Variants in GRID2 observed in about 807,000 individuals in gnomAD.
The protein encoded by GRID2 is glutamate ionotropic receptor delta type subunit 2.
A neutral mutation model predicts 114.8 loss-of-function variants in GRID2; 33 were observed. The observed-to-expected ratio is 0.29, with a 90% CI of 0.22 to 0.38. The LOEUF is 0.38. GRID2 is among the 10% of genes least tolerant of loss of function. GRID2 has a pLI of 1.00. For synonymous variants in GRID2, 505 were observed against 449.9 expected (o/e 1.12, Z -1.55); for missense variants, 1,184 against 1,257.7 (o/e 0.94, Z 0.89).
At chr4:93,083,202 C>T (rs1200138659) in intron 2 of GRID2, among the ~76,000 whole-genome samples, 1 of 152,048 alleles carries the variant, frequency 6.6e-6, no homozygotes, top group Non-Finnish European at 1.5e-5. Context: ...TGACTTACTA[C>T]TTACTATTTG....
At chr4:92,950,324 G>T (rs888579716) in intron 2 of GRID2, among the ~76,000 whole-genome samples, 1 of 152,142 alleles carries the variant, frequency 6.6e-6, no homozygotes, top group Non-Finnish European at 1.5e-5. Flanking sequence ...GTAAATCTTG[G>T]ACATAAACAA....
chr4:93,015,476 A>G (rs766048338), intron 2 of GRID2, among the ~76,000 whole-genome samples: 7 of 152,174 alleles, frequency 4.6e-5, no homozygotes, highest in Non-Finnish European at 7.4e-5. Flanking sequence ...TAATGCAAAT[A>G]AAAATAGCAG....
At chr4:92,803,942 T>C (rs1014892182) in intron 2 of GRID2, among the ~76,000 whole-genome samples, 6 of 151,962 alleles carry the variant, frequency 3.9e-5, no homozygotes, top group Non-Finnish European at 7.4e-5. Flanking sequence ...TTCTGTGCCA[T>C]CTACCTTCTG....
At chr4:93,389,190 G>A (rs1764612914) in intron 8 of GRID2, among the ~76,000 whole-genome samples, 1 of 152,142 alleles carries the variant, frequency 6.6e-6, no homozygotes, top group African/African-American at 2.4e-5. Flanking sequence ...AGGAAAGACA[G>A]TGAGAATTTA....
intron 1 of GRID2, among the ~76,000 whole-genome samples, chr4:92,524,019 C>T (rs1442959073): frequency 6.6e-6 from 1 of 152,018 alleles, no homozygotes; most frequent in East Asian, 1.9e-4. Context: ...TTACTGTTAA[C>T]AGCATAGATG....
At chr4:92,663,318 A>G (rs1006997189) in intron 2 of GRID2, among the ~76,000 whole-genome samples, 3 of 151,226 alleles carry the variant, frequency 2.0e-5, no homozygotes, top group Non-Finnish European at 4.4e-5. Flanking sequence ...ATGGGCTTCA[A>G]AGTTCACTTG....
chr4:93,632,937 C>T (rs1451676499), intron 14 of GRID2, among the ~76,000 whole-genome samples: 1 of 152,088 alleles, frequency 6.6e-6, no homozygotes, highest in African/African-American at 2.4e-5. Context: ...CTTCACATCC[C>T]TTGTAAGTTG....
At chr4:93,141,173 G>A (rs1336441843) in intron 4 of GRID2, among the ~76,000 whole-genome samples, 1 of 151,882 alleles carries the variant, frequency 6.6e-6, no homozygotes, top group Non-Finnish European at 1.5e-5. Context: ...TTTATTTTGT[G>A]TTATTATTTC....
At chr4:93,329,356 G>T (rs1362609198) in intron 8 of GRID2, among the ~76,000 whole-genome samples, 1 of 152,088 alleles carries the variant, frequency 6.6e-6, no homozygotes, top group Non-Finnish European at 1.5e-5. Context: ...GTATTTAAAT[G>T]CTCCCTTCAT....
intron 1 of GRID2, among the ~76,000 whole-genome samples, chr4:92,474,076 A>G (rs557814338): frequency 6.6e-6 from 1 of 151,892 alleles, no homozygotes; most frequent in Admixed American, 6.6e-5. Context: ...AAAATACATT[A>G]TAATTAACTG....
intron 4 of GRID2, among the ~76,000 whole-genome samples, chr4:93,204,940 A>G (rs1164205973): frequency 1.3e-5 from 2 of 152,126 alleles, no homozygotes; most frequent in African/African-American, 2.4e-5. Flanking sequence ...CATGCTGCCT[A>G]TCTATTGGTA....
chr4:92,718,498 G>T (rs1411458981), intron 2 of GRID2, among the ~76,000 whole-genome samples: 1 of 152,018 alleles, frequency 6.6e-6, no homozygotes, highest in Non-Finnish European at 1.5e-5. Context: ...CAGGAATGGT[G>T]GCTAATGCCT....
chr4:92,646,942 T>G (rs1731669949), intron 2 of GRID2, among the ~76,000 whole-genome samples: 1 of 152,098 alleles, frequency 6.6e-6, no homozygotes, highest in African/African-American at 2.4e-5. Context: ...CTATATCAGG[T>G]GTTGTACTTG....
intron 8 of GRID2, among the ~76,000 whole-genome samples, chr4:93,325,297 G>A (rs1487973334): frequency 6.6e-6 from 1 of 151,822 alleles, no homozygotes; most frequent in Non-Finnish European, 1.5e-5. Context: ...CTTCCTACAT[G>A]GAACTTATTA....
chr4:92,769,069 G>A (rs957288279), intron 2 of GRID2, among the ~76,000 whole-genome samples: 3 of 152,184 alleles, frequency 2.0e-5, no homozygotes, highest in Admixed American at 6.5e-5. Flanking sequence ...TTCTGCCTAT[G>A]AGCCTGTGAA....
At chr4:93,753,912 A>G (rs1732537215) in intron 14 of GRID2, among the ~76,000 whole-genome samples, 1 of 152,226 alleles carries the variant, frequency 6.6e-6, no homozygotes, top group Admixed American at 6.5e-5. Context: ...ACAGTCATGG[A>G]TCACTTAGTG....
At chr4:92,477,601 T>C (rs1380610258) in intron 1 of GRID2, among the ~76,000 whole-genome samples, 1 of 151,700 alleles carries the variant, frequency 6.6e-6, no homozygotes. Context: ...TAAATCTATT[T>C]TGGCTGCTCC....
At chr4:93,265,969 G>T (rs1750780366) in intron 8 of GRID2, among the ~76,000 whole-genome samples, 1 of 152,060 alleles carries the variant, frequency 6.6e-6, no homozygotes, top group South Asian at 2.1e-4. Flanking sequence ...TCTAGTTCAG[G>T]GTTTTGGGTG....
At chr4:92,927,644 T>C (rs932475723) in intron 2 of GRID2, among the ~76,000 whole-genome samples, 5 of 151,760 alleles carry the variant, frequency 3.3e-5, no homozygotes, top group Non-Finnish European at 5.9e-5. Flanking sequence ...ATCTTCAGTG[T>C]TTTTTGCTAT....
Sources: gnomAD v4.1 joint callset for allele counts (sites outside exome capture counted in the v4.1 genomes callset) on GRCh38, gnomAD v4.1.1 for gene constraint, MANE v1.5 for transcripts, NCBI Gene and HGNC (gene_info 2026-07-23, HGNC 2026-07-21) for gene names.